G3BP2: variants seen among roughly 807,000 people sequenced by gnomAD.
G3BP2 encodes the protein G3BP stress granule assembly factor 2.
Under a neutral mutation model 56.7 loss-of-function variants are expected in G3BP2, and 11 were observed. The ratio of observed to expected loss-of-function variants is 0.19; its 90% CI spans 0.12 to 0.32. The LOEUF (loss-of-function observed/expected upper bound fraction) is 0.32, where lower values mean the gene tolerates loss of function less well. G3BP2 is among the 10% of genes least tolerant of loss of function. The pLI is 1.00. For synonymous variants in G3BP2, 165 were observed against 191.6 expected, an observed-to-expected ratio of 0.86 and a Z score of 1.15; for missense variants, 340 against 610.9, an observed-to-expected ratio of 0.56 and a Z score of 4.67.
intron 8 of G3BP2, among the ~76,000 whole-genome samples, chr4:75,651,906 C>T (rs935795650): frequency 1.1e-4 from 16 of 152,176 alleles, no homozygotes; most frequent in African/African-American, 3.6e-4. Context: ...AACTTACCTA[C>T]TTCTAAGTTA....
chr4:75,677,586 A>G (rs1733927310), upstream of G3BP2, among the ~76,000 whole-genome samples: 2 of 149,968 alleles, frequency 1.3e-5, no homozygotes. Flanking sequence ...ATAAAAAATA[A>G]AAAAAAAAAG....
chr4:75,717,021 A>G (rs1266099870), intron 3 of G3BP2, among the ~76,000 whole-genome samples: 1 of 151,910 alleles, frequency 6.6e-6, no homozygotes, highest in Non-Finnish European at 1.5e-5. Flanking sequence ...CTTTTCCCAA[A>G]CCACCTGCCT....
chr4:75,716,119 G>A (rs1011845530), intron 3 of G3BP2, among the ~76,000 whole-genome samples: 7 of 152,036 alleles, frequency 4.6e-5, no homozygotes, highest in Non-Finnish European at 8.8e-5. Context: ...ATGTGTGTAG[G>A]TATTGGAGGT....
intron 5 of G3BP2, 121 bp downstream of exon 5, chr4:75,656,803 A>G: frequency 1.5e-6 from 1 of 646,208 alleles, no homozygotes; most frequent in Non-Finnish European, 2.7e-6. Flanking sequence ...CCATGAAAAA[A>G]GGATGTTTGA....
At chr4:75,693,853 G>C (rs944333239) in intron 3 of G3BP2, among the ~76,000 whole-genome samples, 14 of 149,506 alleles carry the variant, frequency 9.4e-5, no homozygotes, top group African/African-American at 3.2e-4. Context: ...TCAGGCCTTA[G>C]CCTCCCAAGT....
At chr4:75,654,490 C>CT (rs1431913668) in intron 7 of G3BP2, among the ~76,000 whole-genome samples, 7 of 152,208 alleles carry the variant, frequency 4.6e-5, no homozygotes, top group African/African-American at 1.7e-4. Context: ...GCTGGAAACT[C>CT]TGACATTCAC....
At chr4:75,661,897 G>A (rs762542962) in intron 2 of G3BP2, 34 bp downstream of exon 2, 1 of 1,127,556 alleles carries the variant, frequency 8.9e-7, no homozygotes, top group Non-Finnish European at 1.4e-6. Flanking sequence ...AAAAAAAGTA[G>A]ATAAAAATAC....
chr4:75,687,544 A>C (rs1355175573), intron 3 of G3BP2, among the ~76,000 whole-genome samples: 1 of 152,264 alleles, frequency 6.6e-6, no homozygotes, highest in African/African-American at 2.4e-5. Flanking sequence ...TCACAGCAGA[A>C]GCTGAGACAA....
At chr4:75,674,346 C>T (rs1023708242), upstream of G3BP2, among the ~76,000 whole-genome samples, 5 of 152,106 alleles carry the variant, frequency 3.3e-5, no homozygotes, top group Admixed American at 6.5e-5. Context: ...CAAGCATGTA[C>T]ATCTCATCAG....
intron 3 of G3BP2, among the ~76,000 whole-genome samples, chr4:75,709,734 T>C (rs976705916): frequency 6.6e-6 from 1 of 152,102 alleles, no homozygotes; most frequent in African/African-American, 2.4e-5. Context: ...CGTGTCTCAT[T>C]ATGTTGCCCA....
At chr4:75,713,667 T>C (rs945143902) in intron 3 of G3BP2, among the ~76,000 whole-genome samples, 1 of 152,124 alleles carries the variant, frequency 6.6e-6, no homozygotes, top group African/African-American at 2.4e-5. Context: ...CAAGTGCCTG[T>C]AGTCCTAGCG....
At chr4:75,655,357 A>G (rs1376425159) in intron 6 of G3BP2, 111 bp from the exon 7 acceptor site, 1 of 779,116 alleles carries the variant, frequency 1.3e-6, no homozygotes, top group Non-Finnish European at 2.1e-6. Context: ...CTTGTTCTAG[A>G]TCTACAAAGT....
chr4:75,668,933 C>T (rs1237904221), intron 1 of G3BP2, among the ~76,000 whole-genome samples: 2 of 152,128 alleles, frequency 1.3e-5, no homozygotes, highest in Admixed American at 1.3e-4. Context: ...CTGTCTTCAT[C>T]TTCTATTCCC....
intron 3 of G3BP2, among the ~76,000 whole-genome samples, chr4:75,700,746 AAAAAAG>A (rs1381397549): frequency 1.3e-5 from 2 of 151,240 alleles, no homozygotes; most frequent in African/African-American, 4.9e-5. Flanking sequence ...TGGTTAAAAA[AAAAAAG>A]AAAAAGAAAA....
intron 1 of G3BP2, among the ~76,000 whole-genome samples, chr4:75,664,397 T>C (rs1732826504): frequency 6.7e-6 from 1 of 149,470 alleles, no homozygotes; most frequent in African/African-American, 2.5e-5. Context: ...GCCAAAATGG[T>C]AAAACCCCTT....
rs116428005 is a variant in G3BP2 at position 75,690,619 on chromosome 4, T to C, written c.-24-28570A>G. Among the ~76,000 whole-genome samples the C allele has an allele frequency of 3.4e-3, 517 of 152,210 alleles. 6 individuals are homozygous for C. The highest frequency in any genetic ancestry group is 0.012 in the African/African-American group (490 of 41,542). ...TCTTTTCTCACTCTGTCGCCCCCAC[T>C]GGAGTACAGTGGCGCCATCTCAGCT... is the stretch of plus-strand genomic sequence containing the variant. On this transcript the variant is annotated intron_variant, in intron 3 of 3. Transcript: ENST00000499709.
At chr4:75,694,583 G>A (rs1481887904) in intron 3 of G3BP2, among the ~76,000 whole-genome samples, 5 of 152,076 alleles carry the variant, frequency 3.3e-5, no homozygotes, top group African/African-American at 1.2e-4. Flanking sequence ...CAGCCTGGAC[G>A]ACAGGGCGAG....
At chr4:75,679,010 AT>A (rs1456456386) in intron 3 of G3BP2, among the ~76,000 whole-genome samples, 2 of 152,196 alleles carry the variant, frequency 1.3e-5, no homozygotes, top group African/African-American at 4.8e-5. Context: ...TTTGTATAGC[AT>A]TTTACAGTTT....
At chr4:75,646,128 C>A (rs763811858) in intron 11 of G3BP2, among the ~76,000 whole-genome samples, 5 of 152,172 alleles carry the variant, frequency 3.3e-5, no homozygotes, top group Non-Finnish European at 1.5e-5. Context: ...AACATGCAAT[C>A]TTGCAATCTT....
Sources: allele counts gnomAD v4.1 joint callset (sites outside exome capture counted in the v4.1 genomes callset), GRCh38; gene constraint gnomAD v4.1.1; transcripts MANE v1.5; gene names NCBI Gene and HGNC (gene_info 2026-07-23, HGNC 2026-07-21).